The following SUPT6H variants were observed in gnomAD, a reference collection of about 807,000 sequenced individuals.
The protein encoded by SUPT6H is transcription elongation factor SPT6.
Under a neutral mutation model 222.3 loss-of-function variants are expected in SUPT6H, and 11 were observed. The observed-to-expected ratio is 0.05, with a 90% confidence interval of 0.03 to 0.08. The LOEUF (loss-of-function observed/expected upper bound fraction) is 0.08, where lower values mean the gene tolerates loss of function less well. Among genes scored for constraint, SUPT6H ranks in the 10% least tolerant of loss-of-function variants. SUPT6H has a pLI of 1.00. For synonymous variants in SUPT6H, 762 were observed against 801.2 expected (o/e 0.95, Z 0.83); for missense variants, 1,422 against 2,216.0 (o/e 0.64, Z 7.19).
chr17:28,686,523 AGT>A, intron 20 of SUPT6H, 108 bp downstream of exon 20: 6 of 1,532,948 alleles, frequency 3.9e-6, no homozygotes, highest in Non-Finnish European at 5.3e-6. Context: ...TTGTGCAGGG[AGT>A]GTCCCTGGGG....
At chr17:28,700,100 C>T (rs928665040) in intron 33 of SUPT6H, 73 bp from the exon 34 acceptor site, 10 of 1,599,108 alleles carry the variant, frequency 6.3e-6, no homozygotes, top group Non-Finnish European at 8.6e-6. Context: ...CTTCAGTGCC[C>T]CTTCCACCCC....
At position 28,667,403 on chromosome 17, in the gene SUPT6H, GTGTATATATATATA is replaced by G. The variant is rs1302132479; in HGVS notation, c.-32+5063_-32+5076del. Among the ~76,000 whole-genome samples the G allele has an allele frequency of 8.0e-4, 34 of 42,374 alleles. 1 individual carries two copies. In the East Asian group the frequency reaches 0.013, roughly 16 times the overall value. 27.8% of individuals were successfully genotyped at this position (42,374 alleles called of 152,430 possible). A position where few individuals can be genotyped will look rare whatever the true frequency, so the allele number is the denominator to read the frequency against. On this transcript the variant is annotated intron_variant, in intron 1 of 36. Coordinates refer to ENST00000314616, the MANE Select transcript of SUPT6H (RefSeq NM_003170.5). Reference sequence around the variant, plus strand: ...AAAAAAAAAAAAAAAAAGTGTGTGTGTGTATATATATATATATATATATATATATATATGTATGT... The same window carrying G: ...AAAAAAAAAAAAAAAAAGTGTGTGTGTATATATATATATATATATGTATGT...
At chr17:28,689,144 T>C in intron 24 of SUPT6H, 1 of 558,884 alleles carries the variant, frequency 1.8e-6, no homozygotes, top group Non-Finnish European at 3.2e-6. Context: ...TCATAGTGTT[T>C]TTGCAGTGCA....
Position 28,683,400 on chromosome 17 carries a change from A to G in SUPT6H, c.2011A>G (p.Ile671Val), listed in dbSNP as rs1299428424. The change falls in exon 16 of 37, where the codon ATA becomes GTA. Residue 671 changes from isoleucine to valine, a missense_variant. Ile to Val is a conservative substitution (Grantham distance 29). Transcript: ENST00000314616. The stretch of plus-strand genomic sequence containing the variant: ...AGGGCTCCTCACCACTGACATCAGC[A>G]TAGATTTGAAGGGAGTGGAAGGGTA... ...DEGLLTTDIS[I>V]DLKGVEGYGN... 3 of 1,614,168 alleles carry G rather than the reference A, an allele frequency of 1.9e-6. No individual in the cohort carries two copies. Among genetic ancestry groups the G allele is most frequent in the Non-Finnish European group, 2.5e-6 (3 of 1,180,030 alleles).
At chr17:28,700,674 A>T (rs768944833) in intron 35 of SUPT6H, 162 bp downstream of exon 35, 7 of 1,042,780 alleles carry the variant, frequency 6.7e-6, no homozygotes, top group Non-Finnish European at 8.2e-6. Flanking sequence ...GAAGGGGAAG[A>T]GGGTAAGAGA....
rs776890151 is a variant in SUPT6H, at chr17:28,681,394, A to C, written c.1488A>C (p.Gly496=). 1.2e-6 allele frequency: 2 copies of C among 1,601,686 alleles called. No individual in the cohort carries two copies. The highest frequency in any genetic ancestry group is 1.7e-6 in the Non-Finnish European group (2 of 1,175,056). ...RKKLKRVREE[G]DEEGEGDEAE... ...AGCTGAAGCGTGTCAGGGAAGAGGG[A>C]GATGAAGAAGGTTAGTGCTGGAAAA... Residue 496 remains glycine, a synonymous_variant, in exon 12 of 37, where the codon GGA becomes GGC. Coordinates refer to ENST00000314616, the MANE Select transcript of SUPT6H (RefSeq NM_003170.5).
intron 27 of SUPT6H, among the ~76,000 whole-genome samples, chr17:28,693,347 C>T (rs1246172537): frequency 6.6e-6 from 1 of 151,842 alleles, no homozygotes; most frequent in Non-Finnish European, 1.5e-5. Context: ...TGTAATCCCA[C>T]CTACTCAGGA....
chr17:28,671,058 TTTAG>T (rs1428210690), intron 1 of SUPT6H: 2 of 152,152 alleles, frequency 1.3e-5, no homozygotes, highest in South Asian at 2.1e-4. Flanking sequence ...TTTTCTTGAG[TTTAG>T]TTAATCTCAA....
chr17:28,663,827 C>CCTTTTTTTTTTT (rs1567681347), intron 1 of SUPT6H, among the ~76,000 whole-genome samples: 5 of 8,406 alleles, frequency 5.9e-4, no homozygotes, highest in Admixed American at 1.6e-3. Context: ...CTGCCCACTC[C>CCTTTTTTTTTTT]ATTTTTTTTT....
intron 17 of SUPT6H, 103 bp from the exon 18 acceptor site, chr17:28,684,483 C>A: frequency 3.2e-5 from 45 of 1,415,012 alleles, no homozygotes; most frequent in Non-Finnish European, 4.1e-5. Context: ...AGAGTACACA[C>A]CCTCGCACAT....
chr17:28,679,268 G>A (rs1318650882), intron 11 of SUPT6H, among the ~76,000 whole-genome samples: 1 of 152,204 alleles, frequency 6.6e-6, no homozygotes, highest in East Asian at 1.9e-4. Flanking sequence ...AGCTACTCAG[G>A]AGGCTGAGGC....
At chr17:28,674,484 T>C (rs1446425942) in intron 3 of SUPT6H, 43 bp downstream of exon 3, 2 of 1,613,754 alleles carry the variant, frequency 1.2e-6, no homozygotes, top group Non-Finnish European at 8.5e-7. Flanking sequence ...TGGGTGGAGG[T>C]TGCAGTGGAA....
Position 28,683,836 on chromosome 17 carries a change from A to AT in SUPT6H, c.2229+36dup, listed in dbSNP as rs201577643. The AT allele has an allele frequency of 0.064, 88,301 of 1,382,398 alleles. 104 individuals carry two copies. The highest frequency in any genetic ancestry group is 0.092 in the African/African-American group (5,988 of 65,000). 85.6% of individuals were successfully genotyped at this position (1,382,398 alleles called of 1,614,324 possible). A position where few individuals can be genotyped will look rare whatever the true frequency, so the allele number is the denominator to read the frequency against. On this transcript the variant is annotated intron_variant, in intron 17 of 36. Transcript: ENST00000314616. ...ATAAAGGTGAGGACAGAGACTCATG[A>AT]TTTTTTTTTTTTTTTTGGTGACAGA...
intron 30 of SUPT6H, 22 bp downstream of exon 30, chr17:28,697,104 C>G: frequency 1.2e-6 from 2 of 1,603,470 alleles, no homozygotes; most frequent in Non-Finnish European, 1.7e-6. Context: ...TGCCTGCCCA[C>G]CTCCCATCCC....
At chr17:28,666,367 A>G (rs985632173) in intron 1 of SUPT6H, among the ~76,000 whole-genome samples, 4 of 152,156 alleles carry the variant, frequency 2.6e-5, no homozygotes, top group African/African-American at 9.7e-5. Context: ...AGAAAAGGAA[A>G]GGTTTGCCAA....
chr17:28,690,555 G>C (rs1039156518), intron 26 of SUPT6H, among the ~76,000 whole-genome samples: 2 of 152,156 alleles, frequency 1.3e-5, no homozygotes, highest in African/African-American at 4.8e-5. Context: ...CAGGCAGACT[G>C]CTTGAGGCCA....
rs1344227140 is a variant in SUPT6H, at chr17:28,702,356, G to A, written c.*731G>A. 1 of 152,662 alleles carries A rather than the reference G, an allele frequency of 6.6e-6. No homozygotes were observed. The highest frequency in any genetic ancestry group is 1.5e-5 in the Non-Finnish European group (1 of 68,062). 9.5% of individuals were successfully genotyped at this position (152,662 alleles called of 1,614,324 possible). ...GATCCATCAGAGGCAAAGATTCATAGACTAGAGGCAGCTTCTACATCAGAC... is the reference window on the plus strand; with the variant it reads ...GATCCATCAGAGGCAAAGATTCATAAACTAGAGGCAGCTTCTACATCAGAC... On this transcript the variant is annotated 3_prime_UTR_variant, in exon 37 of 37. Coordinates refer to ENST00000314616, the MANE Select transcript of SUPT6H (RefSeq NM_003170.5).
rs1567681347 is a variant in SUPT6H, at chr17:28,663,827, C to CCTTTTTTTTTTTTTTTTTT, written c.-32+1485_-32+1486insCTTTTTTTTTTTTTTTTTT. On this transcript the variant is annotated intron_variant, in intron 1 of 36. Transcript: ENST00000314616. ...AATCTGGCTTCTCTTCTGCCCACTC[C>CCTTTTTTTTTTTTTTTTTT]ATTTTTTTTTTTTTTTTTGTGGAGA... Among the ~76,000 whole-genome samples the CCTTTTTTTTTTTTTTTTTT allele has an allele frequency of 8.2e-3, 69 of 8,370 alleles. 2 individuals carry two copies. Among genetic ancestry groups the CCTTTTTTTTTTTTTTTTTT allele is most frequent in the East Asian group, 0.016 (3 of 192 alleles). The allele number at this position is 8,370 out of a possible 152,430, so 5.5% of individuals were successfully genotyped here.
At chr17:28,667,394 A>AGTGT (rs1276806457) in intron 1 of SUPT6H, among the ~76,000 whole-genome samples, 10 of 59,338 alleles carry the variant, frequency 1.7e-4, no homozygotes, top group African/African-American at 5.3e-4. Context: ...AAAAAAAAAA[A>AGTGT]GTGTGTGTGT....
Sources: gnomAD v4.1 joint callset for allele counts (sites outside exome capture counted in the v4.1 genomes callset) on GRCh38, gnomAD v4.1.1 for gene constraint, MANE v1.5 for transcripts, NCBI Gene and HGNC (gene_info 2026-07-23, HGNC 2026-07-21) for gene names.